The following FUT9 variants were observed in gnomAD, a reference collection of about 807,000 sequenced individuals.
FUT9 encodes the protein 4-galactosyl-N-acetylglucosaminide 3-alpha-L-fucosyltransferase 9.
FUT9 carries 15 observed loss-of-function variants against 29.7 expected under a neutral mutation model. The observed-to-expected ratio is 0.51, with a 90% CI of 0.34 to 0.78. The LOEUF is 0.78. FUT9 is among the 30% of genes least tolerant of loss of function. FUT9 has a pLI of 0.01. For synonymous variants in FUT9, 169 were observed against 153.7 expected (o/e 1.10, Z -0.74); for missense variants, 319 against 425.4 (o/e 0.75, Z 2.20).
intron 1 of FUT9, among the ~76,000 whole-genome samples, chr6:96,090,496 T>G (rs1374727516): frequency 6.6e-6 from 1 of 151,790 alleles, no homozygotes; most frequent in African/African-American, 2.4e-5. Context: ...CAACTCAAAT[T>G]TTACTATTTA....
chr6:96,141,410 C>A (rs553424460), intron 2 of FUT9, among the ~76,000 whole-genome samples: 3 of 152,200 alleles, frequency 2.0e-5, no homozygotes, highest in African/African-American at 2.4e-5. Flanking sequence ...TATTAGCACA[C>A]AAAATGGTTT....
At position 96,203,416 on chromosome 6, in the gene FUT9, C is replaced by T; in HGVS notation, c.261C>T (p.Asn87=). 6 of 1,609,194 alleles carry T rather than the reference C, an allele frequency of 3.7e-6. No homozygotes were observed. The highest frequency in any genetic ancestry group is 5.1e-6 in the Non-Finnish European group (6 of 1,176,894). Reference sequence around the variant, plus strand: ...TTACATCCTGCCAAGCAATGTTCAACATCCAAGGATGCCATCTCACAACGG... The same window carrying T: ...TTACATCCTGCCAAGCAATGTTCAATATCCAAGGATGCCATCTCACAACGG... ...FDLTSCQAMF[N]IQGCHLTTDR... Residue 87 remains asparagine, a synonymous_variant, in exon 3 of 3, where the codon AAC becomes AAT. Coordinates refer to ENST00000302103, the MANE Select transcript of FUT9 (RefSeq NM_006581.4).
At chr6:96,157,926 T>G (rs898583577) in intron 2 of FUT9, among the ~76,000 whole-genome samples, 5 of 152,104 alleles carry the variant, frequency 3.3e-5, no homozygotes, top group Non-Finnish European at 5.9e-5. Flanking sequence ...TGTAAAAATG[T>G]GATTTCTCTA....
intron 1 of FUT9, among the ~76,000 whole-genome samples, chr6:96,085,269 A>G (rs1771296798): frequency 1.3e-5 from 2 of 152,316 alleles, no homozygotes; most frequent in South Asian, 2.1e-4. Context: ...TGTATTTCTT[A>G]TGGTTCAGGA....
intron 1 of FUT9, among the ~76,000 whole-genome samples, chr6:96,070,665 C>A (rs144160210): frequency 6.6e-6 from 1 of 151,414 alleles, no homozygotes; most frequent in Non-Finnish European, 1.5e-5. Flanking sequence ...CCAGCCTGAG[C>A]GACAGAGGAA....
At chr6:96,198,995 T>A (rs1773681088) in intron 2 of FUT9, among the ~76,000 whole-genome samples, 1 of 152,188 alleles carries the variant, frequency 6.6e-6, no homozygotes. Flanking sequence ...GAAAATTGAA[T>A]CATGCATACC....
intron 2 of FUT9, among the ~76,000 whole-genome samples, chr6:96,177,294 T>C (rs1298122657): frequency 6.6e-6 from 1 of 152,136 alleles, no homozygotes; most frequent in African/African-American, 2.4e-5. Flanking sequence ...TTACTTATCC[T>C]ACCCACCCCC....
chr6:96,106,866 A>T (rs1314109149), intron 1 of FUT9, among the ~76,000 whole-genome samples: 1 of 152,230 alleles, frequency 6.6e-6, no homozygotes, highest in Non-Finnish European at 1.5e-5. Context: ...AAAGTATCAA[A>T]CCATTTTTCA....
rs12213730 is a variant in FUT9, at chr6:96,210,154, C to A, written c.*5919C>A. On this transcript the variant is annotated 3_prime_UTR_variant, in exon 3 of 3. Coordinates refer to ENST00000302103, the MANE Select transcript of FUT9 (RefSeq NM_006581.4). ...GTCCTGCTAGTTTTGAGGTTTTCAT[C>A]CCACCTGTTTAGATGGGTAGTATTC... 0.14 allele frequency: 23,916 copies of A among 166,876 alleles called. 1,915 individuals are homozygous for A. The highest frequency in any genetic ancestry group is 0.18 in the Non-Finnish European group (12,329 of 68,004). 10.3% of individuals were successfully genotyped at this position (166,876 alleles called of 1,614,324 possible).
chr6:96,177,555 C>T (rs1248202458), intron 2 of FUT9, among the ~76,000 whole-genome samples: 2 of 152,078 alleles, frequency 1.3e-5, no homozygotes, highest in African/African-American at 4.8e-5. Context: ...CTCATTCAAC[C>T]ACAATTCCTG....
At chr6:96,186,775 A>T (rs2127987507) in intron 2 of FUT9, among the ~76,000 whole-genome samples, 1 of 152,190 alleles carries the variant, frequency 6.6e-6, no homozygotes, top group African/African-American at 2.4e-5. Context: ...AGGACAGAAG[A>T]TCCATGCTCC....
At chr6:96,105,189 G>A (rs1771655719) in intron 1 of FUT9, among the ~76,000 whole-genome samples, 1 of 152,184 alleles carries the variant, frequency 6.6e-6, no homozygotes. Context: ...TATGCAGTGA[G>A]TCAGAGTACT....
intron 1 of FUT9, among the ~76,000 whole-genome samples, chr6:96,100,145 G>A (rs756434508): frequency 5.9e-5 from 9 of 151,790 alleles, no homozygotes; most frequent in Non-Finnish European, 1.3e-4. Flanking sequence ...GGTTGACCAT[G>A]ATTTTCATTT....
chr6:96,091,099 G>A (rs924532769), intron 1 of FUT9, among the ~76,000 whole-genome samples: 6 of 151,912 alleles, frequency 3.9e-5, no homozygotes, highest in Non-Finnish European at 7.4e-5. Flanking sequence ...ATTGCAATGG[G>A]AAATATGTAC....
chr6:96,049,127 C>A (rs1264344840), intron 1 of FUT9, among the ~76,000 whole-genome samples: 1 of 152,118 alleles, frequency 6.6e-6, no homozygotes, highest in Non-Finnish European at 1.5e-5. Flanking sequence ...AATGGATCCT[C>A]TTGAAGTAAG....
At chr6:96,112,213 T>C (rs1048115930) in intron 1 of FUT9, among the ~76,000 whole-genome samples, 2 of 152,198 alleles carry the variant, frequency 1.3e-5, no homozygotes, top group African/African-American at 4.8e-5. Context: ...GTACCAGTTA[T>C]CTGAGTTATC....
intron 2 of FUT9, among the ~76,000 whole-genome samples, chr6:96,129,335 T>C (rs531450620): frequency 6.8e-6 from 1 of 146,388 alleles, no homozygotes; most frequent in African/African-American, 2.6e-5. Context: ...GTCCCAGCTA[T>C]CCGGGAGGCA....
intron 1 of FUT9, among the ~76,000 whole-genome samples, chr6:96,022,019 A>G: frequency 6.6e-6 from 1 of 152,034 alleles, no homozygotes; most frequent in East Asian, 1.9e-4. Context: ...TGTTTTATGA[A>G]TACTTTACAA....
At chr6:96,169,786 G>A (rs563003219) in intron 2 of FUT9, among the ~76,000 whole-genome samples, 14 of 151,882 alleles carry the variant, frequency 9.2e-5, no homozygotes, top group African/African-American at 2.9e-4. Flanking sequence ...TTATTATTTT[G>A]ACTCATTTGG....
Sources: gnomAD v4.1 joint callset for allele counts (sites outside exome capture counted in the v4.1 genomes callset) on GRCh38, gnomAD v4.1.1 for gene constraint, MANE v1.5 for transcripts, NCBI Gene and HGNC (gene_info 2026-07-23, HGNC 2026-07-21) for gene names.